PDE3A: variants seen among roughly 807,000 people sequenced by gnomAD.
The protein encoded by PDE3A is cGMP-inhibited 3',5'-cyclic phosphodiesterase 3A.
Under a neutral mutation model 98.3 loss-of-function variants are expected in PDE3A, and 43 were observed. That is an observed-to-expected ratio of 0.44 (90% confidence interval 0.34 to 0.56). The LOEUF (loss-of-function observed/expected upper bound fraction) is 0.56. Ranked by LOEUF, PDE3A falls within the 20% of genes least tolerant of loss-of-function variation. PDE3A has a pLI of 0.01. For missense variants in PDE3A, 1,427 were observed against 1,440.7 expected, an observed-to-expected ratio of 0.99 and a Z score of 0.15; for synonymous variants, 663 against 567.9, an observed-to-expected ratio of 1.17 and a Z score of -2.38.
At position 20,387,014 on chromosome 12, in the gene PDE3A, A is replaced by G. The variant is rs1434515578; in HGVS notation, c.960+16770A>G. Among the ~76,000 whole-genome samples the G allele has an allele frequency of 3.9e-5, 6 of 152,200 alleles. No individual in the cohort carries two copies. The South Asian group carries it at 8.3e-4, about 21-fold the overall frequency. ...ATGGCTAGCCAGTTCTTCCAGGACC[A>G]TGTGTTAAATAGGGAATCCTTTGCC... is the stretch of plus-strand genomic sequence containing the variant. On this transcript the variant is annotated intron_variant, in intron 1 of 15. Coordinates refer to ENST00000359062, the MANE Select transcript of PDE3A (RefSeq NM_000921.5).
Position 20,613,459 on chromosome 12 carries a change from T to C in PDE3A, c.1028T>C (p.Ile343Thr). The C allele has an allele frequency of 6.2e-7, 1 of 1,614,164 alleles. No individual in the cohort carries two copies. Among genetic ancestry groups the C allele is most frequent in the South Asian group, 1.1e-5 (1 of 91,088 alleles). Residue 343 changes from isoleucine (I) to threonine (T), a missense_variant, in exon 3 of 16, where the codon ATT (isoleucine) becomes ACT (threonine). Around this residue, in one of 3 missense-constraint regions of PDE3A, gnomAD observed 1,012 missense variants for 886.5 expected, o/e 1.14. Transcript: ENST00000359062. ...GTGTCTCAGTCTTCAGGAACCAGTA[T>C]TACTGTGGACATCGCCGTCATGGGC... ...PRGSQSSGTSITVDIAVMGEA... is the reference protein window; with the variant it reads ...PRGSQSSGTSTTVDIAVMGEA...
chr12:20,481,122 T>C (rs566361628), intron 1 of PDE3A, among the ~76,000 whole-genome samples: 1 of 152,342 alleles, frequency 6.6e-6, no homozygotes, highest in African/African-American at 2.4e-5. Context: ...CTTGATTGAA[T>C]GCTTTCTTTG....
intron 1 of PDE3A, among the ~76,000 whole-genome samples, chr12:20,529,319 C>A (rs1946581616): frequency 6.6e-6 from 1 of 152,052 alleles, no homozygotes; most frequent in African/African-American, 2.4e-5. Flanking sequence ...TGGTTGAGAG[C>A]CCCTTTAGGT....
At chr12:20,635,191 C>T (rs564479318) in intron 8 of PDE3A, 135 bp downstream of exon 8, 56 of 704,906 alleles carry the variant, frequency 7.9e-5, no homozygotes, top group African/African-American at 3.6e-4. Flanking sequence ...GAGGACGAAG[C>T]GGGCAGATCA....
At chr12:20,469,256 C>T (rs898932500) in intron 1 of PDE3A, among the ~76,000 whole-genome samples, 1 of 152,112 alleles carries the variant, frequency 6.6e-6, no homozygotes, top group South Asian at 2.1e-4. Flanking sequence ...TCCTAGCCAC[C>T]GTAATAATGA....
chr12:20,440,497 G>A (rs894323526), intron 1 of PDE3A, among the ~76,000 whole-genome samples: 6 of 152,024 alleles, frequency 3.9e-5, no homozygotes, highest in Non-Finnish European at 5.9e-5. Context: ...TCTTTTTCAC[G>A]TTACAATGAT....
intron 1 of PDE3A, among the ~76,000 whole-genome samples, chr12:20,503,251 A>G (rs1263175647): frequency 6.6e-6 from 1 of 152,038 alleles, no homozygotes; most frequent in Non-Finnish European, 1.5e-5. Context: ...ACTAGATAAT[A>G]CTAATATGAA....
At chr12:20,527,565 T>C (rs1391364942) in intron 1 of PDE3A, among the ~76,000 whole-genome samples, 1 of 152,080 alleles carries the variant, frequency 6.6e-6, no homozygotes, top group East Asian at 1.9e-4. Flanking sequence ...CGCTGTCTGT[T>C]TGTTAGAGTT....
At chr12:20,543,204 G>T (rs1941965021) in intron 1 of PDE3A, among the ~76,000 whole-genome samples, 1 of 150,454 alleles carries the variant, frequency 6.6e-6, no homozygotes. Context: ...GTTTTATTGT[G>T]GTTATTTTAT....
At chr12:20,392,826 G>C (rs536660057) in intron 1 of PDE3A, among the ~76,000 whole-genome samples, 80 of 152,132 alleles carry the variant, frequency 5.3e-4, no homozygotes, top group Non-Finnish European at 9.3e-4. Context: ...GTCATTTGCA[G>C]CAACATGGCT....
intron 1 of PDE3A, among the ~76,000 whole-genome samples, chr12:20,489,674 C>CT (rs1491233456): frequency 8.5e-5 from 13 of 152,200 alleles, no homozygotes; most frequent in Admixed American, 6.5e-4. Flanking sequence ...AGTTAATCCC[C>CT]TTTTTTGCCT....
chr12:20,665,830 T>C (rs904799223), intron 15 of PDE3A, among the ~76,000 whole-genome samples: 3 of 152,154 alleles, frequency 2.0e-5, no homozygotes, highest in African/African-American at 4.8e-5. Flanking sequence ...ATGCAACTTT[T>C]TGTATTTTTA....
intron 1 of PDE3A, among the ~76,000 whole-genome samples, chr12:20,373,621 T>C (rs1303598846): frequency 6.6e-6 from 1 of 152,116 alleles, no homozygotes; most frequent in East Asian, 1.9e-4. Context: ...TTTATTTTAG[T>C]TACCTGTTAA....
intron 14 of PDE3A, among the ~76,000 whole-genome samples, chr12:20,651,195 CT>C (rs1565463459): frequency 1.3e-5 from 2 of 152,118 alleles, no homozygotes; most frequent in African/African-American, 4.8e-5. Flanking sequence ...AGTTAACAGA[CT>C]ACTCAGAAAG....
rs556203430 is a variant in PDE3A, at chr12:20,506,919, A to AT, written c.961-49736dup. On this transcript the variant is annotated intron_variant, in intron 1 of 15. Transcript: ENST00000359062. The stretch of plus-strand genomic sequence containing the variant: ...TAAAGTATTTTGTGAGAAACAGGTC[A>AT]TTTTTCAAGAAGACTACTTATTTAG... Among the ~76,000 whole-genome samples the AT allele has an allele frequency of 5.1e-4, 78 of 152,166 alleles. 1 individual carries two copies. Among genetic ancestry groups the AT allele is most frequent in the African/African-American group, 1.9e-3 (78 of 41,556 alleles).
rs553733055 is a variant in PDE3A at position 20,415,978 on chromosome 12, G to A, written c.960+45734G>A. ...TTCCATTTCCTCATGTGTAAAATGAGATAACTACAAGCCTTTTGAAACTTT... is the reference window on the plus strand; with the variant it reads ...TTCCATTTCCTCATGTGTAAAATGAAATAACTACAAGCCTTTTGAAACTTT... On this transcript the variant is annotated intron_variant, in intron 1 of 15. Coordinates refer to ENST00000359062, the MANE Select transcript of PDE3A (RefSeq NM_000921.5). 2.6e-5 allele frequency among the ~76,000 whole-genome samples: 4 copies of A among 152,294 alleles called. No homozygotes were observed. The East Asian group carries it at 7.7e-4, about 29-fold the overall frequency.
chr12:20,572,198 T>C (rs879242481), intron 2 of PDE3A: 1 of 1,062,500 alleles, frequency 9.4e-7, no homozygotes, highest in South Asian at 1.4e-5. Flanking sequence ...TGTTCTATAA[T>C]GATTTTCAAC....
chr12:20,501,871 T>C (rs1946031824), intron 1 of PDE3A, among the ~76,000 whole-genome samples: 1 of 152,180 alleles, frequency 6.6e-6, no homozygotes, highest in Non-Finnish European at 1.5e-5. Context: ...TCCAGTCTTA[T>C]GCTAAATAAC....
intron 13 of PDE3A, 52 bp downstream of exon 13, chr12:20,648,943 T>TTTG (rs1944849271): frequency 3.5e-6 from 4 of 1,155,908 alleles, no homozygotes; most frequent in South Asian, 2.9e-5. Flanking sequence ...TTTTTTTTTT[T>TTTG]GAGACAGAGT....
Sources: gnomAD v4.1 joint callset for allele counts (sites outside exome capture counted in the v4.1 genomes callset) on GRCh38, gnomAD v4.1.1 for gene constraint, gnomAD v4.1.1 regional missense constraint, MANE v1.5 for transcripts, NCBI Gene and HGNC (gene_info 2026-07-23, HGNC 2026-07-21) for gene names.